Variants in TCF7L1 observed in about 807,000 individuals in gnomAD.
The protein encoded by TCF7L1 is transcription factor 7-like 1.
A neutral mutation model predicts 63.7 loss-of-function variants in TCF7L1; 18 were observed. The observed-to-expected ratio is 0.28, with a 90% CI of 0.20 to 0.42. TCF7L1 has a LOEUF of 0.42. Ranked by LOEUF, TCF7L1 falls within the 10% of genes least tolerant of loss-of-function variation. The pLI is 1.00. For missense variants in TCF7L1, 654 were observed against 779.3 expected (o/e 0.84, Z 1.91); for synonymous variants, 355 against 340.9 (o/e 1.04, Z -0.46).
At chr2:85,167,723 G>A (rs1274398110) in intron 3 of TCF7L1, among the ~76,000 whole-genome samples, 4 of 152,146 alleles carry the variant, frequency 2.6e-5, no homozygotes, top group African/African-American at 9.7e-5. Flanking sequence ...AATAAGCTGA[G>A]CATGGTGGCA....
intron 3 of TCF7L1, among the ~76,000 whole-genome samples, chr2:85,283,085 G>GAA (rs1190979497): frequency 6.6e-6 from 1 of 151,874 alleles, no homozygotes; most frequent in Non-Finnish European, 1.5e-5. Flanking sequence ...GATGGAAATG[G>GAA]ATGGGGCAGG....
At chr2:85,176,309 T>C (rs371386335) in intron 3 of TCF7L1, among the ~76,000 whole-genome samples, 49 of 152,160 alleles carry the variant, frequency 3.2e-4, no homozygotes, top group African/African-American at 1.2e-3. Context: ...TGGTATGAAA[T>C]GAGATCTGGA....
In TCF7L1 at chr2:85,182,115, C is replaced by T. The variant is rs989166385; in HGVS notation, c.441+47665C>T. Among the ~76,000 whole-genome samples the T allele has an allele frequency of 3.9e-5, 6 of 152,034 alleles. No individual in the cohort carries two copies. The South Asian group carries it at 6.2e-4, about 16-fold the overall frequency. On this transcript the variant is annotated intron_variant, in intron 3 of 11. Transcript: ENST00000282111. ...CGCCTGAAGGAATTAAGTGGGATTT[C>T]GGTTGGAGAGGAAAAGCAAAGATGG...
At chr2:85,167,601 G>T (rs912781660) in intron 3 of TCF7L1, among the ~76,000 whole-genome samples, 8 of 152,148 alleles carry the variant, frequency 5.3e-5, no homozygotes, top group African/African-American at 1.9e-4. Context: ...GGTGGTTCAT[G>T]CCTGTATTCC....
At chr2:85,179,059 A>G (rs756786524) in intron 3 of TCF7L1, among the ~76,000 whole-genome samples, 3 of 152,076 alleles carry the variant, frequency 2.0e-5, no homozygotes, top group Non-Finnish European at 4.4e-5. Flanking sequence ...GCTTCTCTCC[A>G]CCTCTGAGCT....
intron 5 of TCF7L1, 130 bp downstream of exon 5, chr2:85,302,746 C>A (rs1178233009): frequency 8.2e-7 from 1 of 1,220,576 alleles, no homozygotes; most frequent in African/African-American, 1.5e-5. Flanking sequence ...AGTCTTTGGA[C>A]CTTGTCTGCT....
intron 3 of TCF7L1, among the ~76,000 whole-genome samples, chr2:85,138,585 T>C (rs1369746232): frequency 1.3e-5 from 2 of 152,200 alleles, no homozygotes; most frequent in East Asian, 3.8e-4. Flanking sequence ...TTGCTGAAGT[T>C]TTCGCCCTTG....
chr2:85,142,432 ATGTGT>A (rs1464551850), intron 3 of TCF7L1, among the ~76,000 whole-genome samples: 9 of 138,062 alleles, frequency 6.5e-5, no homozygotes, highest in Non-Finnish European at 1.2e-4. Context: ...AAAAAAAAAA[ATGTGT>A]GTGTGTGTGT....
intron 3 of TCF7L1, among the ~76,000 whole-genome samples, chr2:85,259,386 A>G (rs938440485): frequency 7.2e-5 from 11 of 152,208 alleles, no homozygotes; most frequent in African/African-American, 2.7e-4. Flanking sequence ...GGGAATTCGT[A>G]TCTGTAGGAA....
chr2:85,282,486 C>T (rs555001593), intron 3 of TCF7L1, among the ~76,000 whole-genome samples: 5 of 152,326 alleles, frequency 3.3e-5, no homozygotes, highest in South Asian at 2.1e-4. Context: ...AAATAATAGG[C>T]GTCATTTATC....
At chr2:85,270,994 C>T (rs1422738617) in intron 3 of TCF7L1, among the ~76,000 whole-genome samples, 3 of 152,044 alleles carry the variant, frequency 2.0e-5, no homozygotes, top group African/African-American at 2.4e-5. Context: ...CCATTCCCAA[C>T]CACAAGTTTC....
At chr2:85,158,992 C>T (rs1215702131) in intron 3 of TCF7L1, among the ~76,000 whole-genome samples, 1 of 152,180 alleles carries the variant, frequency 6.6e-6, no homozygotes, top group Non-Finnish European at 1.5e-5. Flanking sequence ...TTGTCTTAAC[C>T]CCAGGCAAGT....
intron 3 of TCF7L1, among the ~76,000 whole-genome samples, chr2:85,181,237 C>G (rs1054775405): frequency 6.6e-6 from 1 of 152,198 alleles, no homozygotes; most frequent in African/African-American, 2.4e-5. Context: ...TGAGAGTAGC[C>G]AGCGTGTGCA....
chr2:85,283,270 C>CCCA (rs1553406726), intron 3 of TCF7L1, among the ~76,000 whole-genome samples: 1 of 116,172 alleles, frequency 8.6e-6, no homozygotes, highest in African/African-American at 2.7e-5. Flanking sequence ...TCGTGTCCCC[C>CCCA]CCCCCAAAAT....
At position 85,251,915 on chromosome 2, in the gene TCF7L1, G is replaced by A. The variant is rs147155671; in HGVS notation, c.442-31580G>A. Among the ~76,000 whole-genome samples, 698 of 152,134 alleles carry A rather than the reference G, an allele frequency of 4.6e-3. 2 individuals carry two copies. The highest frequency in any genetic ancestry group is 7.3e-3 in the Non-Finnish European group (496 of 68,000). ...ACAGCAAAACCCCATCACTACAAAC[G>A]ATACAAAAAATTAGCCAGGCGTGGT... On this transcript the variant is annotated intron_variant, in intron 3 of 11. Transcript: ENST00000282111.
chr2:85,222,634 C>CA (rs1296177532), intron 3 of TCF7L1, among the ~76,000 whole-genome samples: 1 of 139,004 alleles, frequency 7.2e-6, no homozygotes, highest in Non-Finnish European at 1.5e-5. Flanking sequence ...TGCACTGCTG[C>CA]ACTCCAGCCT....
At chr2:85,162,789 G>T (rs1382723688) in intron 3 of TCF7L1, among the ~76,000 whole-genome samples, 1 of 152,264 alleles carries the variant, frequency 6.6e-6, no homozygotes, top group South Asian at 2.1e-4. Flanking sequence ...TGGGCATTTG[G>T]TTCTGGTTCA....
chr2:85,149,040 A>C (rs1677945215), intron 3 of TCF7L1, among the ~76,000 whole-genome samples: 1 of 152,056 alleles, frequency 6.6e-6, no homozygotes, highest in Non-Finnish European at 1.5e-5. Context: ...TGGCCTCCCA[A>C]AGTGCTAGGA....
chr2:85,228,369 C>T (rs769723146), intron 3 of TCF7L1, among the ~76,000 whole-genome samples: 3 of 152,064 alleles, frequency 2.0e-5, no homozygotes, highest in Non-Finnish European at 1.5e-5. Flanking sequence ...TGCAGTGAGC[C>T]GTGATTGCAC....
Sources: allele counts gnomAD v4.1 joint callset (sites outside exome capture counted in the v4.1 genomes callset), GRCh38; gene constraint gnomAD v4.1.1; transcripts MANE v1.5; gene names NCBI Gene and HGNC (gene_info 2026-07-23, HGNC 2026-07-21).